The following RBFOX1 variants were observed in gnomAD, a reference collection of about 807,000 sequenced individuals.
The protein encoded by RBFOX1 is RNA binding protein fox-1 homolog 1.
RBFOX1 carries 8 observed loss-of-function variants against 57.7 expected under a neutral mutation model. The observed-to-expected ratio is 0.14, with a 90% confidence interval of 0.08 to 0.25. The LOEUF is 0.25. Among genes scored for constraint, RBFOX1 ranks in the 10% least tolerant of loss-of-function variants. The pLI, the probability that RBFOX1 is intolerant of heterozygous loss-of-function variation, is 1.00. For synonymous variants in RBFOX1, 326 were observed against 222.4 expected (o/e 1.47, Z -4.15); for missense variants, 611 against 548.5 (o/e 1.11, Z -1.14).
intron 2 of RBFOX1, among the ~76,000 whole-genome samples, chr16:5,589,029 A>G (rs17499976): frequency 6.6e-6 from 1 of 152,260 alleles, no homozygotes; most frequent in East Asian, 1.9e-4. Flanking sequence ...TAGCTGAAAA[A>G]CTGCATAGAG....
chr16:7,110,445 A>G (rs780440429), intron 4 of RBFOX1, among the ~76,000 whole-genome samples: 1 of 152,154 alleles, frequency 6.6e-6, no homozygotes, highest in African/African-American at 2.4e-5. Flanking sequence ...AGCAAATATG[A>G]GTGGAGACAA....
chr16:6,636,175 A>AT (rs753359466), intron 2 of RBFOX1, among the ~76,000 whole-genome samples: 9 of 151,810 alleles, frequency 5.9e-5, no homozygotes, highest in South Asian at 2.1e-4. Flanking sequence ...TGGATTTGGG[A>AT]TTTTTTCTTT....
At chr16:6,987,569 G>A (rs145752599) in intron 3 of RBFOX1, among the ~76,000 whole-genome samples, 171 of 151,674 alleles carry the variant, frequency 1.1e-3, no homozygotes, top group African/African-American at 3.8e-3. Flanking sequence ...ATAAGCATAG[G>A]TGGGCACAGG....
intron 1 of RBFOX1, among the ~76,000 whole-genome samples, chr16:5,441,843 C>G (rs745772443): frequency 1.3e-5 from 2 of 152,146 alleles, no homozygotes; most frequent in Non-Finnish European, 2.9e-5. Context: ...TGAGAACTCA[C>G]TCACTATCAC....
intron 2 of RBFOX1, among the ~76,000 whole-genome samples, chr16:6,544,685 A>T (rs913569056): frequency 7.9e-5 from 12 of 152,178 alleles, no homozygotes; most frequent in Middle Eastern, 6.3e-3. Flanking sequence ...ACCCCATACT[A>T]ACTGTGGGAC....
intron 1 of RBFOX1, among the ~76,000 whole-genome samples, chr16:5,328,513 C>T (rs2064650320): frequency 6.6e-6 from 1 of 152,260 alleles, no homozygotes. Context: ...TCAAGAATAA[C>T]TCAGCCTCGA....
intron 1 of RBFOX1, among the ~76,000 whole-genome samples, chr16:6,142,281 G>C (rs553883446): frequency 2.7e-5 from 4 of 146,200 alleles, no homozygotes; most frequent in Admixed American, 6.8e-5. Flanking sequence ...GAGTGAAATG[G>C]CGTGATCTTG....
intron 4 of RBFOX1, among the ~76,000 whole-genome samples, chr16:7,418,020 G>T (rs1413507926): frequency 6.6e-6 from 1 of 151,990 alleles, no homozygotes; most frequent in Non-Finnish European, 1.5e-5. Flanking sequence ...CTGTGTGGAG[G>T]TCCTCTATAG....
intron 3 of RBFOX1, among the ~76,000 whole-genome samples, chr16:6,800,472 G>T (rs1239567538): frequency 6.6e-6 from 1 of 152,108 alleles, no homozygotes; most frequent in Non-Finnish European, 1.5e-5. Context: ...AATAAGTCTC[G>T]GGTGGGGTCG....
intron 1 of RBFOX1, among the ~76,000 whole-genome samples, chr16:6,200,745 G>T (rs990777543): frequency 3.3e-5 from 5 of 152,188 alleles, no homozygotes; most frequent in Non-Finnish European, 4.4e-5. Context: ...GTGTGTTATT[G>T]TGATGGGATA....
At chr16:6,803,891 C>T (rs189674153) in intron 3 of RBFOX1, among the ~76,000 whole-genome samples, 1 of 152,256 alleles carries the variant, frequency 6.6e-6, no homozygotes, top group African/African-American at 2.4e-5. Context: ...CAGAGTGTTG[C>T]TGAAATGTAA....
At chr16:7,617,723 C>G (rs182439226) in intron 10 of RBFOX1, among the ~76,000 whole-genome samples, 230 of 152,136 alleles carry the variant, frequency 1.5e-3, no homozygotes, top group African/African-American at 5.3e-3. Context: ...GCCGAGGTAC[C>G]AAAACAGACC....
chr16:6,851,624 C>T (rs552838864), intron 3 of RBFOX1, among the ~76,000 whole-genome samples: 11 of 152,256 alleles, frequency 7.2e-5, no homozygotes, highest in African/African-American at 2.4e-4. Context: ...TACATGCCTC[C>T]TCTCAAGCCT....
At chr16:5,918,557 CCTCA>C (rs1324141638) in intron 4 of RBFOX1, among the ~76,000 whole-genome samples, 1 of 152,162 alleles carries the variant, frequency 6.6e-6, no homozygotes, top group Non-Finnish European at 1.5e-5. Flanking sequence ...TTAACAGAGC[CCTCA>C]CTATCTATAA....
chr16:7,437,477 C>T (rs750361069), intron 4 of RBFOX1, among the ~76,000 whole-genome samples: 31 of 152,090 alleles, frequency 2.0e-4, no homozygotes, highest in African/African-American at 6.8e-4. Context: ...AAATTGTTGA[C>T]GTTCCATGCA....
chr16:6,926,505 G>A lies in RBFOX1; in HGVS notation c.-15-125552G>A, dbSNP rs550871881. On this transcript the variant is annotated intron_variant, in intron 3 of 15. Coordinates refer to ENST00000550418, the MANE Select transcript of RBFOX1 (RefSeq NM_018723.4). ...TGATTAAGTTAATGACATTTGTAGC[G>A]GTGTTATAGGCTGCAGGCCAGGGAG... 2.2e-4 allele frequency among the ~76,000 whole-genome samples: 33 copies of A among 152,200 alleles called. 1 individual carries two copies. The South Asian group carries it at 5.6e-3, about 26-fold the overall frequency.
In RBFOX1 at chr16:6,370,713, G is replaced by T. The variant is rs570932631; in HGVS notation, c.-64+53656G>T. Among the ~76,000 whole-genome samples the T allele has an allele frequency of 2.0e-5, 3 of 152,272 alleles. No individual in the cohort carries two copies. In the South Asian group the frequency reaches 6.2e-4, roughly 32 times the overall value. ...AGAATGGGGAGTTGATGTTTAACGGGTATAGAATTTCAGTTTTGGAAGTTG... is the reference window on the plus strand; with the variant it reads ...AGAATGGGGAGTTGATGTTTAACGGTTATAGAATTTCAGTTTTGGAAGTTG... On this transcript the variant is annotated intron_variant, in intron 2 of 15. Transcript: ENST00000550418.
chr16:6,329,266 G>A (rs2082729014), intron 2 of RBFOX1, among the ~76,000 whole-genome samples: 1 of 152,190 alleles, frequency 6.6e-6, no homozygotes, highest in Admixed American at 6.5e-5. Context: ...GTACTAAGAA[G>A]TTTACAAGCA....
At chr16:7,618,552 C>G (rs1221445380) in intron 10 of RBFOX1, among the ~76,000 whole-genome samples, 2 of 151,940 alleles carry the variant, frequency 1.3e-5, no homozygotes, top group Non-Finnish European at 2.9e-5. Context: ...AATGTTTTAA[C>G]TTGTTATCAT....
Sources: gnomAD v4.1 joint callset for allele counts (sites outside exome capture counted in the v4.1 genomes callset) on GRCh38, gnomAD v4.1.1 for gene constraint, MANE v1.5 for transcripts, NCBI Gene and HGNC (gene_info 2026-07-23, HGNC 2026-07-21) for gene names.